ROBO3: variants seen among roughly 807,000 people sequenced by gnomAD.
ROBO3 encodes the protein roundabout guidance receptor 3.
Under a neutral mutation model 160.5 loss-of-function variants are expected in ROBO3, and 97 were observed. That is an observed-to-expected ratio of 0.60 (90% confidence interval 0.51 to 0.72). ROBO3 has a LOEUF of 0.72. Ranked by LOEUF, ROBO3 falls within the 30% of genes least tolerant of loss-of-function variation. The probability of loss-of-function intolerance (pLI) is 0.00; values close to 1 mark genes in which losing one functional copy is unlikely to be tolerated. For synonymous variants in ROBO3, 780 were observed against 746.2 expected, an observed-to-expected ratio of 1.05 and a Z score of -0.74; for missense variants, 1,858 against 1,846.5, an observed-to-expected ratio of 1.01 and a Z score of -0.11.
At chr11:124,877,452 C>A in intron 19 of ROBO3, 67 bp from the exon 20 acceptor site, 1 of 1,598,352 alleles carries the variant, frequency 6.3e-7, no homozygotes, top group Non-Finnish European at 8.6e-7. Context: ...CCGAATATCG[C>A]CACCTCCCTT....
intron 19 of ROBO3, 55 bp from the exon 20 acceptor site, chr11:124,877,464 C>T (rs1946416631): frequency 1.3e-6 from 2 of 1,599,218 alleles, no homozygotes; most frequent in South Asian, 1.1e-5. Flanking sequence ...ACCTCCCTTT[C>T]CTTTGCTGGC....
In ROBO3 at chr11:124,875,016, G is replaced by A. The variant is rs945550916; in HGVS notation, c.2074-95G>A. ...TGGGAGGTGAGTGGCTGGGGAAGGC[G>A]GCATGAGTGGGAGGAGGGGCTGGGC... is the stretch of plus-strand genomic sequence containing the variant. On this transcript the variant is annotated intron_variant, in intron 13 of 27. Transcript: ENST00000397801. 190 of 1,513,682 alleles carry A rather than the reference G, an allele frequency of 1.3e-4. 1 individual carries two copies. The highest frequency in any genetic ancestry group is 7.0e-4 in the East Asian group (29 of 41,396). 93.8% of individuals were successfully genotyped at this position (1,513,682 alleles called of 1,614,324 possible).
chr11:124,880,650 G>T, intron 27 of ROBO3, 42 bp downstream of exon 27: 1 of 1,482,342 alleles, frequency 6.7e-7, no homozygotes, highest in South Asian at 1.3e-5. Flanking sequence ...CAGAGGACTA[G>T]GGAAGGGTGG....
Position 124,880,448 on chromosome 11 carries a change from G to A in ROBO3, c.3989G>A (p.Ser1330Asn), listed in dbSNP as rs1456573400. The change falls in exon 27 of 28, where the codon AGC becomes AAC. Residue 1330 changes from serine (S) to asparagine (N), a missense_variant. Coordinates refer to ENST00000397801, the MANE Select transcript of ROBO3 (RefSeq NM_022370.4). ...EEAWLPYSRP[S>N]FLSRGQGTST... ...GCCTGGCTCCCATACAGCAGACCAA[G>A]CTTCCTGTCCCGGGGCCAGGGCACC... is the stretch of plus-strand genomic sequence containing the variant. The A allele has an allele frequency of 5.0e-6, 8 of 1,612,772 alleles. No individual in the cohort carries two copies.
intron 17 of ROBO3, 96 bp from the exon 18 acceptor site, chr11:124,877,065 C>A: frequency 7.2e-7 from 1 of 1,380,116 alleles, no homozygotes; most frequent in Non-Finnish European, 1.0e-6. Flanking sequence ...AGTGGTGGAA[C>A]TGGGACCGGG....
At position 124,876,591 on chromosome 11, in the gene ROBO3, T is replaced by C. The variant is rs1005603962; in HGVS notation, c.2779+131T>C. 5.3e-6 allele frequency: 4 copies of C among 753,498 alleles called. No individual in the cohort carries two copies. The highest frequency in any genetic ancestry group is 3.7e-5 in the African/African-American group (2 of 53,784). The allele number at this position is 753,498 out of a possible 1,614,324, so 46.7% of individuals were successfully genotyped here. A position where few individuals can be genotyped will look rare whatever the true frequency, so the allele number is the denominator to read the frequency against. On this transcript the variant is annotated intron_variant, in intron 17 of 27. Coordinates refer to ENST00000397801, the MANE Select transcript of ROBO3 (RefSeq NM_022370.4). The surrounding 1 kb of genome is among the most constrained non-coding windows in gnomAD (Gnocchi z 5.3). ...GGGGTCGCACCTGGAGTTCAGCCTC[T>C]TGGGTAGGGGCGGGATACGTGGGGC...
At position 124,875,942 on chromosome 11, in the gene ROBO3, C is replaced by T. The variant is rs1415106137; in HGVS notation, c.2422-12C>T. Reference sequence around the variant, plus strand: ...CATTTCTGACTCTAAATCCGGGACTCGGCCTCCCTAGATCTGGTGCCTGGG... The same window carrying T: ...CATTTCTGACTCTAAATCCGGGACTTGGCCTCCCTAGATCTGGTGCCTGGG... On this transcript the variant is annotated splice_polypyrimidine_tract_variant and intron_variant, in intron 15 of 27. Coordinates refer to ENST00000397801, the MANE Select transcript of ROBO3 (RefSeq NM_022370.4). 1.3e-6 allele frequency: 2 copies of T among 1,589,700 alleles called. No homozygotes were observed. The highest frequency in any genetic ancestry group is 1.7e-4 in the Middle Eastern group (1 of 5,970).
chr11:124,866,375 T>C (rs980127047), intron 1 of ROBO3, among the ~76,000 whole-genome samples: 11 of 152,178 alleles, frequency 7.2e-5, no homozygotes, highest in Admixed American at 1.3e-4. Flanking sequence ...AATAAATGAC[T>C]GGGACAGCGC....
Position 124,873,570 on chromosome 11 carries a change from C to T in ROBO3, c.1619-127C>T, listed in dbSNP as rs1223734775. The T allele has an allele frequency of 9.9e-7, 1 of 1,012,248 alleles. No homozygotes were observed. The highest frequency in any genetic ancestry group is 1.5e-6 in the Non-Finnish European group (1 of 688,626). The allele number at this position is 1,012,248 out of a possible 1,614,324, so 62.7% of individuals were successfully genotyped here. A position where few individuals can be genotyped will look rare whatever the true frequency, so the allele number is the denominator to read the frequency against. On this transcript the variant is annotated intron_variant, in intron 10 of 27. Transcript: ENST00000397801. The surrounding 1 kb of genome is among the most constrained non-coding windows in gnomAD (Gnocchi z 4.5). ...TGGGAGGCAGATGTGAGTAGGGGTT[C>T]ATATACTATAGCCCACTCTGACCAT... is the stretch of plus-strand genomic sequence containing the variant.
rs1199232096 is a variant in ROBO3, at chr11:124,878,136, G to A, written c.3181+5G>A. On this transcript the variant is annotated splice_donor_5th_base_variant and intron_variant, in intron 21 of 27. Coordinates refer to ENST00000397801, the MANE Select transcript of ROBO3 (RefSeq NM_022370.4). This position sits in a 1 kb window ranked among gnomAD's most constrained non-coding sequence, Gnocchi z 4.3. ...AGTGGAGCCAGGGGGACAGTGGTAT[G>A]ACTCCAACTCCTGAAACCCCGTTTA... 6.3e-7 allele frequency: 1 copy of A among 1,599,856 alleles called. No individual in the cohort carries two copies. Among genetic ancestry groups the A allele is most frequent in the Non-Finnish European group, 8.5e-7 (1 of 1,173,708 alleles).
At chr11:124,879,637 A>C in intron 25 of ROBO3, 62 bp downstream of exon 25, 6 of 1,528,268 alleles carry the variant, frequency 3.9e-6, no homozygotes, top group Non-Finnish European at 5.4e-6. Context: ...CAGGAAACCA[A>C]GGGTGCACTC....
chr11:124,866,428 C>G (rs558038488), intron 1 of ROBO3, among the ~76,000 whole-genome samples: 1 of 152,194 alleles, frequency 6.6e-6, no homozygotes, highest in Non-Finnish European at 1.5e-5. Flanking sequence ...AGCCGGCCGC[C>G]GCCAGCCTGC....
In ROBO3 at chr11:124,873,442, GC is replaced by G; in HGVS notation, c.1618+52del. ...TTTGATAATACCTTCCTCCAAACCT[GC>G]TTCAACAGGTAGTCGATACCTCCTC... On this transcript the variant is annotated intron_variant, in intron 10 of 27. Coordinates refer to ENST00000397801, the MANE Select transcript of ROBO3 (RefSeq NM_022370.4). The surrounding 1 kb of genome is among the most constrained non-coding windows in gnomAD (Gnocchi z 4.5). The G allele has an allele frequency of 2.0e-6, 3 of 1,465,956 alleles. No individual in the cohort carries two copies. The highest frequency in any genetic ancestry group is 1.2e-5 in the South Asian group (1 of 83,450). The allele number at this position is 1,465,956 out of a possible 1,614,324, so 90.8% of individuals were successfully genotyped here. A position where few individuals can be genotyped will look rare whatever the true frequency, so the allele number is the denominator to read the frequency against.
chr11:124,867,418 A>G (rs1386462894), intron 1 of ROBO3, among the ~76,000 whole-genome samples: 1 of 152,236 alleles, frequency 6.6e-6, no homozygotes, highest in East Asian at 1.9e-4. Context: ...GGAAGCGTCA[A>G]AGTCTGAGAT....
chr11:124,874,231 C>T lies in ROBO3; in HGVS notation c.1946C>T (p.Thr649Ile). The T allele has an allele frequency of 6.2e-7, 1 of 1,613,230 alleles. No homozygotes were observed. The highest frequency in any genetic ancestry group is 8.5e-7 in the Non-Finnish European group (1 of 1,179,402). The part of the protein sequence containing the change: ...EPSPVSEPVR[T>I]QDSSPSRPVE... The stretch of plus-strand genomic sequence containing the variant: ...AGCCCCGTCTCTGAGCCTGTCCGTA[C>T]ACAGGGTAAGGTCAGAGTCCCTGGG... Residue 649 changes from threonine to isoleucine, a missense_variant, in exon 12 of 28, where the codon ACA (threonine) becomes ATA (isoleucine). Thr to Ile is a moderately conservative substitution (Grantham distance 89, BLOSUM62 -1). Transcript: ENST00000397801.
At position 124,879,231 on chromosome 11, in the gene ROBO3, A is replaced by G. The variant is rs1946491886; in HGVS notation, c.3575A>G (p.Gln1192Arg). 6.4e-7 allele frequency: 1 copy of G among 1,556,854 alleles called. No individual in the cohort carries two copies. The highest frequency in any genetic ancestry group is 8.7e-7 in the Non-Finnish European group (1 of 1,150,034). The change falls in exon 24 of 28, where the codon CAG becomes CGG. Residue 1192 changes from glutamine (Q) to arginine (R), a missense_variant. Coordinates refer to ENST00000397801, the MANE Select transcript of ROBO3 (RefSeq NM_022370.4). ...LGPSSPLSVS[Q>R]PMLGIREARP... ...CCGAGTTCCCCTCTCAGTGTATCCC[A>G]GCCCATGCTGGGCATCCGTGAAGCG...
At position 124,876,067 on chromosome 11, in the gene ROBO3, C is replaced by T. The variant is rs567010739; in HGVS notation, c.2535C>T (p.Val845=). 6.7e-5 allele frequency: 108 copies of T among 1,609,788 alleles called. 5 individuals carry two copies. In the South Asian group the frequency reaches 1.0e-3, roughly 15 times the overall value. Residue 845 remains valine, a synonymous_variant, in exon 16 of 28, where the codon GTC becomes GTT. Coordinates refer to ENST00000397801, the MANE Select transcript of ROBO3 (RefSeq NM_022370.4). This position sits in a 1 kb window ranked among gnomAD's most constrained non-coding sequence, Gnocchi z 5.3. The stretch of plus-strand genomic sequence containing the variant: ...CCGGTCTCCTCTATCGAACCCTGGT[C>T]GCGGCGGCCACCAGCGCAGGCGTGG... The part of the protein sequence containing the change: ...LVPGLLYRTL[V]AAATSAGVGV...
chr11:124,868,186 G>A (rs1482357838), intron 1 of ROBO3, among the ~76,000 whole-genome samples: 1 of 152,164 alleles, frequency 6.6e-6, no homozygotes, highest in Admixed American at 6.5e-5. Flanking sequence ...GAAATGAAGC[G>A]TGATTATCCG....
rs1195583537 is a variant in ROBO3, at chr11:124,873,200, C to T, written c.1537-110C>T. On this transcript the variant is annotated intron_variant, in intron 9 of 27. Transcript: ENST00000397801. This position sits in a 1 kb window ranked among gnomAD's most constrained non-coding sequence, Gnocchi z 4.5. ...AGCCCCATCTTTACCCCTCTGTTCT[C>T]TCAGAGCACCTAGTATCCAACATCT... The T allele has an allele frequency of 4.3e-6, 6 of 1,393,542 alleles. No homozygotes were observed. The African/African-American group carries it at 8.5e-5, about 20-fold the overall frequency. 86.3% of individuals were successfully genotyped at this position (1,393,542 alleles called of 1,614,324 possible).
Sources: allele counts gnomAD v4.1 joint callset (sites outside exome capture counted in the v4.1 genomes callset), GRCh38; gene constraint gnomAD v4.1.1; non-coding constraint Gnocchi (gnomAD v3.1); transcripts MANE v1.5; gene names NCBI Gene and HGNC (gene_info 2026-07-23, HGNC 2026-07-21).